The following ZDHHC13 variants were observed in gnomAD, a reference collection of about 807,000 sequenced individuals.
The protein encoded by ZDHHC13 is palmitoyltransferase ZDHHC13.
Under a neutral mutation model 86.0 loss-of-function variants are expected in ZDHHC13, and 85 were observed. The ratio of observed to expected loss-of-function variants is 0.99; its 90% CI spans 0.83 to 1.18. The LOEUF is 1.18. Ranked by LOEUF, ZDHHC13 falls within the 50% of genes most tolerant of loss-of-function variation. The pLI is 0.00. For synonymous variants in ZDHHC13, 263 were observed against 246.4 expected (o/e 1.07, Z -0.63); for missense variants, 711 against 730.2 (o/e 0.97, Z 0.30).
At chr11:19,169,080 T>A (rs573490095) in intron 14 of ZDHHC13, 1 of 985,470 alleles carries the variant, frequency 1.0e-6, no homozygotes, top group African/African-American at 1.7e-5. Context: ...GTATCTTTGA[T>A]ATTAAATCTG....
At chr11:19,136,267 A>G (rs371569315) in intron 1 of ZDHHC13, among the ~76,000 whole-genome samples, 22 of 152,320 alleles carry the variant, frequency 1.4e-4, no homozygotes, top group African/African-American at 3.6e-4. Context: ...CGAGAACTAC[A>G]TGAAGAATGC....
intron 16 of ZDHHC13, 76 bp from the exon 17 acceptor site, chr11:19,175,746 T>C: frequency 1.3e-6 from 2 of 1,549,268 alleles, no homozygotes; most frequent in Non-Finnish European, 1.8e-6. Flanking sequence ...TTGCATATTA[T>C]AGATTCTCCA....
intron 9 of ZDHHC13, among the ~76,000 whole-genome samples, chr11:19,157,890 G>A (rs1448462681): frequency 6.6e-6 from 1 of 152,164 alleles, no homozygotes; most frequent in African/African-American, 2.4e-5. Context: ...GAAAGCAACT[G>A]TAAACTACTA....
At chr11:19,121,629 T>A (rs1848760812) in intron 1 of ZDHHC13, among the ~76,000 whole-genome samples, 1 of 152,210 alleles carries the variant, frequency 6.6e-6, no homozygotes, top group Admixed American at 6.5e-5. Flanking sequence ...TCATGAGAAT[T>A]TGCTTAGTCT....
chr11:19,165,852 C>T (rs1054444964), intron 13 of ZDHHC13, among the ~76,000 whole-genome samples: 2 of 152,228 alleles, frequency 1.3e-5, no homozygotes, highest in Non-Finnish European at 2.9e-5. Flanking sequence ...GGTTCCCTTA[C>T]TTCTGTCACA....
At position 19,176,174 on chromosome 11, in the gene ZDHHC13, A is replaced by T. The variant is rs890201967; in HGVS notation, c.*214A>T. ...TCTGATAAATCTTGGCAGACATCTA[A>T]AAAAAAAACCATATTTTTCACAAGA... is the stretch of plus-strand genomic sequence containing the variant. On this transcript the variant is annotated 3_prime_UTR_variant, in exon 17 of 17. Transcript: ENST00000446113. 16 of 382,362 alleles carry T rather than the reference A, an allele frequency of 4.2e-5. No homozygotes were observed. The highest frequency in any genetic ancestry group is 3.5e-4 in the African/African-American group (16 of 45,892). 23.7% of individuals were successfully genotyped at this position (382,362 alleles called of 1,614,324 possible).
Position 19,149,266 on chromosome 11 carries a change from A to C in ZDHHC13, c.454A>C (p.Ser152Arg). 6.2e-7 allele frequency: 1 copy of C among 1,606,888 alleles called. No individual in the cohort carries two copies. Among genetic ancestry groups the C allele is most frequent in the South Asian group, 1.1e-5 (1 of 89,714 alleles). ...TCTTATTGATGGAGAGGGATTCAGC[A>C]GCATCCACCTGGCAGTATTGTTTCA... ...PTLIDGEGFS[S>R]IHLAVLFQHM... The change falls in exon 5 of 17, where the codon AGC becomes CGC. Residue 152 changes from serine (S) to arginine (R), a missense_variant. By Grantham distance (110) the Ser-to-Arg change is moderately radical. Coordinates refer to ENST00000446113, the MANE Select transcript of ZDHHC13 (RefSeq NM_019028.3).
chr11:19,129,519 G>A (rs2133369867), intron 1 of ZDHHC13, among the ~76,000 whole-genome samples: 1 of 152,122 alleles, frequency 6.6e-6, no homozygotes, highest in South Asian at 2.1e-4. Flanking sequence ...TTATTCTACT[G>A]TGATGAATAT....
intron 14 of ZDHHC13, chr11:19,166,682 G>T: frequency 5.1e-6 from 1 of 196,394 alleles, no homozygotes; most frequent in Non-Finnish European, 1.0e-5. Flanking sequence ...GTCAGCTGCT[G>T]AAGTACAAAG....
At chr11:19,145,884 G>A (rs757598884) in intron 2 of ZDHHC13, among the ~76,000 whole-genome samples, 13 of 152,160 alleles carry the variant, frequency 8.5e-5, no homozygotes, top group Non-Finnish European at 1.8e-4. Context: ...AGGTGTTTCT[G>A]GCACATAGTG....
chr11:19,128,698 A>G (rs1413074993), intron 1 of ZDHHC13, among the ~76,000 whole-genome samples: 2 of 152,192 alleles, frequency 1.3e-5, no homozygotes, highest in African/African-American at 2.4e-5. Context: ...TCATCCTTAG[A>G]GAATGATTTT....
Position 19,146,199 on chromosome 11 carries a change from A to T in ZDHHC13, c.192A>T (p.Arg64=). 6.2e-7 allele frequency: 1 copy of T among 1,603,464 alleles called. No individual in the cohort carries two copies. Among genetic ancestry groups the T allele is most frequent in the Non-Finnish European group, 8.5e-7 (1 of 1,175,258 alleles). Residue 64 remains arginine, a synonymous_variant, in exon 3 of 17, where the codon CGA becomes CGT. Transcript: ENST00000446113. ...VKATQYGIFE[R]CKELVEAGYD... is the part of the protein sequence containing the mutation. Reference sequence around the variant, plus strand: ...CTTTGAGATACGGAATTTTTGAACGATGTAAAGAGTTGGTAGAAGCAGGAT... The same window carrying T: ...CTTTGAGATACGGAATTTTTGAACGTTGTAAAGAGTTGGTAGAAGCAGGAT...
At chr11:19,132,460 A>C (rs1849022347) in intron 1 of ZDHHC13, among the ~76,000 whole-genome samples, 1 of 152,214 alleles carries the variant, frequency 6.6e-6, no homozygotes. Flanking sequence ...TTCAGTTTAC[A>C]AATCTCCATT....
intron 15 of ZDHHC13, 125 bp downstream of exon 15, chr11:19,170,693 T>C (rs746411332): frequency 1.1e-6 from 1 of 945,070 alleles, no homozygotes; most frequent in Non-Finnish European, 1.5e-6. Flanking sequence ...TCTGTGGGTC[T>C]AGCCATGTCA....
At chr11:19,161,459 A>C (rs1849909154) in intron 10 of ZDHHC13, among the ~76,000 whole-genome samples, 1 of 151,918 alleles carries the variant, frequency 6.6e-6, no homozygotes, top group African/African-American at 2.4e-5. Flanking sequence ...AATTATTCTT[A>C]TGAATAAAAT....
chr11:19,156,037 A>G, intron 9 of ZDHHC13, 108 bp downstream of exon 9: 1 of 1,341,768 alleles, frequency 7.5e-7, no homozygotes, highest in Non-Finnish European at 9.9e-7. Context: ...TGTAAATATT[A>G]CTTACCATAT....
intron 16 of ZDHHC13, among the ~76,000 whole-genome samples, chr11:19,175,508 T>TAGAA (rs1850340335): frequency 1.3e-5 from 2 of 148,854 alleles, no homozygotes; most frequent in Admixed American, 1.4e-4. Context: ...GAAGTAGGAA[T>TAGAA]AGAAAGAAAG....
chr11:19,165,794 C>G (rs1850049576), intron 13 of ZDHHC13, among the ~76,000 whole-genome samples: 1 of 152,202 alleles, frequency 6.6e-6, no homozygotes, highest in Non-Finnish European at 1.5e-5. Context: ...AAACATGTTA[C>G]ATGGAAGGAG....
At chr11:19,164,858 T>C in intron 12 of ZDHHC13, 194 bp from the exon 13 acceptor site, 1 of 569,786 alleles carries the variant, frequency 1.8e-6, no homozygotes, top group Admixed American at 3.1e-5. Flanking sequence ...CAGATCCCAC[T>C]TAGTGATGTC....
Sources: gnomAD v4.1 joint callset for allele counts (sites outside exome capture counted in the v4.1 genomes callset) on GRCh38, gnomAD v4.1.1 for gene constraint, MANE v1.5 for transcripts, NCBI Gene and HGNC (gene_info 2026-07-23, HGNC 2026-07-21) for gene names.